SYNE3: variants seen among roughly 807,000 people sequenced by gnomAD.
SYNE3 encodes nesprin-3.
SYNE3 carries 100 observed loss-of-function variants against 111.2 expected under a neutral mutation model. That is an observed-to-expected ratio of 0.90 (90% CI 0.77 to 1.06). The LOEUF is 1.06. Ranked by LOEUF, SYNE3 falls within the 50% of genes least tolerant of loss-of-function variation. The pLI, the probability that SYNE3 is intolerant of heterozygous loss-of-function variation, is 0.00. For missense variants in SYNE3, 1,160 were observed against 1,240.3 expected (o/e 0.94, Z 0.97); for synonymous variants, 547 against 533.9 (o/e 1.02, Z -0.34).
chr14:95,474,859 C>T (rs1032811276), intron 2 of SYNE3, among the ~76,000 whole-genome samples: 1 of 152,158 alleles, frequency 6.6e-6, no homozygotes, highest in Non-Finnish European at 1.5e-5. Context: ...AGCACCCCAC[C>T]CCACACTAAG....
chr14:95,440,116 G>A, intron 11 of SYNE3, 41 bp from the exon 12 acceptor site: 3 of 1,548,766 alleles, frequency 1.9e-6, no homozygotes, highest in Non-Finnish European at 2.6e-6. Context: ...CCTGAGTGCT[G>A]GCCGAGGGGG....
chr14:95,435,402 T>A (rs1886028711), intron 15 of SYNE3, among the ~76,000 whole-genome samples: 2 of 151,710 alleles, frequency 1.3e-5, no homozygotes, highest in Non-Finnish European at 2.9e-5. Context: ...GAAAGATGAA[T>A]CAGAAAAACT....
intron 6 of SYNE3, among the ~76,000 whole-genome samples, chr14:95,454,653 G>A (rs1460686499): frequency 6.6e-6 from 1 of 152,222 alleles, no homozygotes; most frequent in Non-Finnish European, 1.5e-5. Flanking sequence ...AAATATTTTT[G>A]CGTATGAGCA....
intron 1 of SYNE3, among the ~76,000 whole-genome samples, chr14:95,497,448 A>C (rs1424843154): frequency 9.1e-5 from 8 of 87,552 alleles, no homozygotes. Context: ...AGTTTTCCCG[A>C]GGGGAGAAAA....
chr14:95,443,325 C>T, intron 10 of SYNE3, 36 bp from the exon 11 acceptor site: 1 of 1,612,714 alleles, frequency 6.2e-7, no homozygotes, highest in Non-Finnish European at 8.5e-7. Flanking sequence ...GCTAATCTTC[C>T]CACCTCTCCC....
At chr14:95,499,284 G>A (rs970008216) in intron 1 of SYNE3, among the ~76,000 whole-genome samples, 3 of 152,158 alleles carry the variant, frequency 2.0e-5, no homozygotes, top group African/African-American at 4.8e-5. Flanking sequence ...CTGAATGAAC[G>A]CCTCCTGTGC....
chr14:95,501,552 T>C (rs179165), intron 1 of SYNE3, among the ~76,000 whole-genome samples: 4,203 of 152,282 alleles, frequency 0.028, 96 homozygotes, highest in Non-Finnish European at 0.043. Context: ...GGAAGAAAGA[T>C]GCATCCACAA....
chr14:95,458,456 G>T (rs1315114578), intron 4 of SYNE3, among the ~76,000 whole-genome samples: 2 of 152,204 alleles, frequency 1.3e-5, no homozygotes, highest in Non-Finnish European at 2.9e-5. Flanking sequence ...CTAAAACAGA[G>T]CCTGGCAGCT....
At chr14:95,455,348 G>A in intron 6 of SYNE3, 29 bp downstream of exon 6, 3 of 1,499,052 alleles carry the variant, frequency 2.0e-6, no homozygotes, top group Non-Finnish European at 2.7e-6. Context: ...CAGCACCCTG[G>A]GCTCCATGAC....
At chr14:95,474,250 G>T (rs1270995647) in intron 2 of SYNE3, among the ~76,000 whole-genome samples, 1 of 152,254 alleles carries the variant, frequency 6.6e-6, no homozygotes, top group Non-Finnish European at 1.5e-5. Context: ...GGTGAAGTTT[G>T]CTTTTCCTTT....
intron 16 of SYNE3, among the ~76,000 whole-genome samples, chr14:95,432,911 C>G (rs1885871465): frequency 6.6e-6 from 1 of 152,128 alleles, no homozygotes; most frequent in African/African-American, 2.4e-5. Flanking sequence ...CCTCTGCAGT[C>G]TGGAGATACA....
intron 1 of SYNE3, among the ~76,000 whole-genome samples, chr14:95,479,224 CAAAA>C (rs71132351): frequency 0.02 from 1,764 of 86,190 alleles, 41 homozygotes; most frequent in African/African-American, 0.055. Flanking sequence ...TCGTCTCTAC[CAAAA>C]AAAAAAAAAA....
intron 4 of SYNE3, among the ~76,000 whole-genome samples, chr14:95,457,728 T>G (rs1262851553): frequency 6.6e-6 from 1 of 152,144 alleles, no homozygotes; most frequent in Admixed American, 6.5e-5. Context: ...CTCTAAGAGC[T>G]TGACATATAT....
chr14:95,437,516 C>G (rs945812054), intron 14 of SYNE3, among the ~76,000 whole-genome samples: 1 of 152,230 alleles, frequency 6.6e-6, no homozygotes, highest in Non-Finnish European at 1.5e-5. Flanking sequence ...GAACACACCT[C>G]TCTCCCTCCT....
intron 1 of SYNE3, among the ~76,000 whole-genome samples, chr14:95,495,106 A>G (rs1358917213): frequency 1.8e-4 from 27 of 151,422 alleles, no homozygotes; most frequent in East Asian, 1.9e-4. Context: ...AGCGAGACTC[A>G]GTCTCAAAAA....
At chr14:95,506,491 A>G (rs897827540) in intron 1 of SYNE3, among the ~76,000 whole-genome samples, 13 of 152,232 alleles carry the variant, frequency 8.5e-5, no homozygotes, top group African/African-American at 3.1e-4. Flanking sequence ...TAGACCTGCC[A>G]GGGCATGAGC....
chr14:95,493,461 C>T (rs532040615), intron 1 of SYNE3, among the ~76,000 whole-genome samples: 3 of 152,334 alleles, frequency 2.0e-5, no homozygotes, highest in African/African-American at 7.2e-5. Flanking sequence ...TATTGAACTC[C>T]GGAGCTGCAG....
intron 1 of SYNE3, among the ~76,000 whole-genome samples, chr14:95,496,601 G>A (rs115515726): frequency 9.5e-4 from 145 of 152,300 alleles, no homozygotes; most frequent in African/African-American, 3.2e-3. Context: ...GAGAACGTCT[G>A]GAATTCCCTC....
intron 17 of SYNE3, among the ~76,000 whole-genome samples, chr14:95,424,311 A>G (rs930866462): frequency 1.3e-5 from 2 of 151,896 alleles, no homozygotes; most frequent in African/African-American, 2.4e-5. Flanking sequence ...CAGATGGTGC[A>G]TGAACCACAG....
Sources: gnomAD v4.1 joint callset for allele counts (sites outside exome capture counted in the v4.1 genomes callset) on GRCh38, gnomAD v4.1.1 for gene constraint, MANE v1.5 for transcripts, NCBI Gene and HGNC (gene_info 2026-07-23, HGNC 2026-07-21) for gene names.